The following AHRR variants were observed in gnomAD, a reference collection of about 807,000 sequenced individuals.
The protein encoded by AHRR is ahR repressor.
Under a neutral mutation model 44.0 loss-of-function variants are expected in AHRR, and 28 were observed. The observed-to-expected ratio is 0.64, with a 90% CI of 0.47 to 0.87. The LOEUF (loss-of-function observed/expected upper bound fraction) is 0.87. Among genes scored for constraint, AHRR ranks in the 40% least tolerant of loss-of-function variants. The probability of loss-of-function intolerance (pLI) is 0.00; values close to 1 mark genes in which losing one functional copy is unlikely to be tolerated. For synonymous variants in AHRR, 434 were observed against 407.0 expected (o/e 1.07, Z -0.80); for missense variants, 990 against 953.9 (o/e 1.04, Z -0.50).
chr5:390,807 G>C (rs562791340), intron 4 of AHRR, among the ~76,000 whole-genome samples: 2 of 152,306 alleles, frequency 1.3e-5, no homozygotes, highest in African/African-American at 4.8e-5. Context: ...TCATGGAAAT[G>C]ATCCAGAGAC....
At chr5:327,932 C>T (rs369117310) in intron 1 of AHRR, among the ~76,000 whole-genome samples, 66 of 152,268 alleles carry the variant, frequency 4.3e-4, no homozygotes, top group African/African-American at 1.3e-3. Flanking sequence ...TATCCCTCCC[C>T]GCTCCCCCTA....
chr5:343,832 C>A, intron 1 of AHRR, 61 bp from the exon 2 acceptor site: 1 of 1,529,252 alleles, frequency 6.5e-7, no homozygotes, highest in Non-Finnish European at 8.8e-7. Context: ...CCCGGGGCAT[C>A]GCGGCGGGAA....
At chr5:416,422 A>G (rs975510506) in intron 5 of AHRR, among the ~76,000 whole-genome samples, 1 of 152,242 alleles carries the variant, frequency 6.6e-6, no homozygotes, top group African/African-American at 2.4e-5. Flanking sequence ...GGCGTCTCCT[A>G]CCACAGAGTG....
intron 1 of AHRR, among the ~76,000 whole-genome samples, chr5:327,555 ATTCT>A (rs553860218): frequency 7.4e-4 from 113 of 152,264 alleles, no homozygotes; most frequent in African/African-American, 2.6e-3. Flanking sequence ...ACATGATTTC[ATTCT>A]TTTTTTATGG....
At chr5:328,254 G>GTTTTTT (rs1741783616) in intron 1 of AHRR, among the ~76,000 whole-genome samples, 1 of 76,034 alleles carries the variant, frequency 1.3e-5, no homozygotes, top group African/African-American at 5.0e-5. Flanking sequence ...ACCAACATCT[G>GTTTTTT]ATTTTTTTTT....
At chr5:341,425 G>A (rs2126355073) in intron 1 of AHRR, among the ~76,000 whole-genome samples, 1 of 152,080 alleles carries the variant, frequency 6.6e-6, no homozygotes, top group South Asian at 2.1e-4. Flanking sequence ...AGTATGGCTA[G>A]AAGTTTATCA....
chr5:328,751 T>C (rs1374194605), intron 1 of AHRR, among the ~76,000 whole-genome samples: 2 of 152,230 alleles, frequency 1.3e-5, no homozygotes, highest in African/African-American at 4.8e-5. Flanking sequence ...GTTGTTGCCA[T>C]CGTTCAATTG....
At chr5:415,678 C>T (rs150200041) in intron 5 of AHRR, among the ~76,000 whole-genome samples, 91 of 81,748 alleles carry the variant, frequency 1.1e-3, no homozygotes, top group Non-Finnish European at 7.1e-4. Flanking sequence ...TCTGCCTGGT[C>T]GGGCGGGAGG....
chr5:401,470 A>C (rs766620028), intron 4 of AHRR, among the ~76,000 whole-genome samples: 2 of 152,188 alleles, frequency 1.3e-5, no homozygotes, highest in Non-Finnish European at 1.5e-5. Flanking sequence ...CCTGACCTCC[A>C]TTGGCGCCAG....
chr5:381,382 A>G (rs759687679), intron 4 of AHRR, among the ~76,000 whole-genome samples: 3 of 151,140 alleles, frequency 2.0e-5, no homozygotes, highest in Non-Finnish European at 4.4e-5. Context: ...TTCCTTCCTT[A>G]TTGCACTTCT....
At chr5:354,622 T>TG (rs914895245) in intron 3 of AHRR, among the ~76,000 whole-genome samples, 1 of 151,764 alleles carries the variant, frequency 6.6e-6, no homozygotes, top group African/African-American at 2.4e-5. Flanking sequence ...CCTTTGCTGT[T>TG]GCGGGAGGGT....
chr5:362,569 A>G (rs1412856495), intron 3 of AHRR, among the ~76,000 whole-genome samples: 1 of 152,130 alleles, frequency 6.6e-6, no homozygotes, highest in Admixed American at 6.5e-5. Flanking sequence ...AGTTTAAAAT[A>G]ATTTAGGATA....
rs115813699 is a variant in AHRR at position 337,528 on chromosome 5, G to A, written c.-10-6365G>A. ...TGAGTAGCTGAGACTACAGACATGC[G>A]CCACCATGCTTGGCTAATTTTTAAA... is the stretch of plus-strand genomic sequence containing the variant. On this transcript the variant is annotated intron_variant, in intron 1 of 10. Transcript: ENST00000684583. This position sits in a 1 kb window ranked among gnomAD's most constrained non-coding sequence, Gnocchi z 4.1. Among the ~76,000 whole-genome samples, 875 of 152,240 alleles carry A rather than the reference G, an allele frequency of 5.7e-3. 10 individuals carry two copies. The highest frequency in any genetic ancestry group is 0.021 in the African/African-American group (856 of 41,532).
chr5:429,281 G>A (rs371550266), intron 8 of AHRR, among the ~76,000 whole-genome samples: 2 of 140,018 alleles, frequency 1.4e-5, no homozygotes, highest in Non-Finnish European at 1.6e-5. Context: ...GGATGCCAGA[G>A]ATCCAACTTC....
intron 7 of AHRR, among the ~76,000 whole-genome samples, chr5:424,538 G>A (rs72717407): frequency 0.23 from 31,323 of 136,964 alleles, 5,656 homozygotes; most frequent in Non-Finnish European, 0.35. Flanking sequence ...CTGGGCATGC[G>A]TGATGAGTCA....
At chr5:392,760 C>T (rs545014998) in intron 4 of AHRR, among the ~76,000 whole-genome samples, 2 of 152,312 alleles carry the variant, frequency 1.3e-5, no homozygotes, top group African/African-American at 2.4e-5. Context: ...GCTCATTTCA[C>T]GTCGACTCTT....
chr5:344,102 C>T, intron 2 of AHRR, 138 bp downstream of exon 2: 1 of 905,526 alleles, frequency 1.1e-6, no homozygotes, highest in South Asian at 1.6e-5. Flanking sequence ...GGGCTGAGCT[C>T]CGGCGCGGGC....
chr5:375,871 T>C (rs1372297974), intron 3 of AHRR, among the ~76,000 whole-genome samples: 1 of 152,118 alleles, frequency 6.6e-6, no homozygotes, highest in Non-Finnish European at 1.5e-5. Flanking sequence ...GTCTGGAAGG[T>C]GAACGTGTCA....
intron 1 of AHRR, among the ~76,000 whole-genome samples, chr5:334,756 C>T (rs1439346238): frequency 6.6e-6 from 1 of 151,934 alleles, no homozygotes; most frequent in Non-Finnish European, 1.5e-5. Context: ...TGTCATATTA[C>T]CCTGCTTTTT....
Sources: gnomAD v4.1 joint callset for allele counts (sites outside exome capture counted in the v4.1 genomes callset) on GRCh38, gnomAD v4.1.1 for gene constraint, Gnocchi (gnomAD v3.1) non-coding constraint, MANE v1.5 for transcripts, NCBI Gene and HGNC (gene_info 2026-07-23, HGNC 2026-07-21) for gene names.